Variants in AOPEP observed in about 807,000 individuals in gnomAD.
The protein encoded by AOPEP is aminopeptidase O (putative).
AOPEP carries 77 observed loss-of-function variants against 98.1 expected under a neutral mutation model. The ratio of observed to expected loss-of-function variants is 0.78; its 90% CI spans 0.65 to 0.95. The LOEUF (loss-of-function observed/expected upper bound fraction) is 0.95. AOPEP is among the 40% of genes least tolerant of loss of function. The probability of loss-of-function intolerance (pLI) is 0.00; values close to 1 mark genes in which losing one functional copy is unlikely to be tolerated. For synonymous variants in AOPEP, 346 were observed against 365.3 expected (o/e 0.95, Z 0.60); for missense variants, 1,024 against 1,024.7 (o/e 1.00, Z 0.01).
intron 13 of AOPEP, among the ~76,000 whole-genome samples, chr9:95,025,149 A>G (rs1255962127): frequency 6.6e-6 from 1 of 152,208 alleles, no homozygotes; most frequent in African/African-American, 2.4e-5. Flanking sequence ...AAGATGGTCT[A>G]CAGTGCTCAC....
At chr9:94,827,426 C>A (rs1034453891) in intron 5 of AOPEP, among the ~76,000 whole-genome samples, 4 of 152,170 alleles carry the variant, frequency 2.6e-5, no homozygotes, top group African/African-American at 9.7e-5. Context: ...CAGATAGTTT[C>A]TTAGAACATT....
At chr9:95,063,377 A>G (rs1049141597) in intron 14 of AOPEP, among the ~76,000 whole-genome samples, 1 of 152,178 alleles carries the variant, frequency 6.6e-6, no homozygotes, top group Non-Finnish European at 1.5e-5. Flanking sequence ...TCTTTCCCCC[A>G]GGAAGTCCAT....
chr9:94,967,633 A>G (rs2059288004), intron 9 of AOPEP, 125 bp from the exon 10 acceptor site: 3 of 710,518 alleles, frequency 4.2e-6, no homozygotes, highest in South Asian at 3.3e-5. Context: ...CTTTTAAGTC[A>G]GCATAGGTCT....
the AOPEP span, chr9:95,126,996 G>C: frequency 4.3e-6 from 1 of 231,116 alleles, no homozygotes; most frequent in Non-Finnish European, 8.6e-6. Context: ...GCCCGTGCCT[G>C]CAGCCTGTTT....
At chr9:94,789,113 T>C (rs1435608588) in intron 3 of AOPEP, among the ~76,000 whole-genome samples, 1 of 152,252 alleles carries the variant, frequency 6.6e-6, no homozygotes, top group African/African-American at 2.4e-5. Flanking sequence ...TCAGGTCTGC[T>C]GTGTCATTTG....
chr9:95,148,264 AC>A, the AOPEP span, among the ~76,000 whole-genome samples: 2 of 152,170 alleles, frequency 1.3e-5, no homozygotes, highest in African/African-American at 4.8e-5. Flanking sequence ...CTGCTTCATA[AC>A]AAAAAAAGAC....
intron 13 of AOPEP, among the ~76,000 whole-genome samples, chr9:95,031,647 G>A (rs192268250): frequency 2.0e-5 from 3 of 152,264 alleles, no homozygotes; most frequent in Middle Eastern, 3.4e-3. Context: ...TACTCTACAC[G>A]TAACTGATGA....
chr9:94,753,044 C>T (rs746754726), intron 1 of AOPEP, among the ~76,000 whole-genome samples: 53 of 152,112 alleles, frequency 3.5e-4, no homozygotes, highest in Non-Finnish European at 7.5e-4. Context: ...GCATCAGACC[C>T]TCCAGACAAG....
chr9:95,025,142 A>T (rs192472570), intron 13 of AOPEP, among the ~76,000 whole-genome samples: 13 of 152,308 alleles, frequency 8.5e-5, no homozygotes, highest in African/African-American at 3.1e-4. Flanking sequence ...GGAATAAAAG[A>T]TGGTCTACAG....
intron 10 of AOPEP, among the ~76,000 whole-genome samples, 200 bp from the exon 11 acceptor site, chr9:94,979,167 T>G (rs1027110176): frequency 6.6e-6 from 1 of 152,200 alleles, no homozygotes; most frequent in Non-Finnish European, 1.5e-5. Flanking sequence ...TCGTGCATGT[T>G]GCTGTGGGTG....
chr9:94,762,996 CAG>C (rs1305673623), intron 2 of AOPEP: 1 of 268,318 alleles, frequency 3.7e-6, no homozygotes, highest in African/African-American at 2.3e-5. Flanking sequence ...CTCCACGGGA[CAG>C]AGTCTGTCTA....
chr9:94,960,182 C>G (rs1056728532), intron 9 of AOPEP, among the ~76,000 whole-genome samples: 1 of 151,608 alleles, frequency 6.6e-6, no homozygotes, highest in Admixed American at 6.6e-5. Flanking sequence ...GAGGCTGAGG[C>G]GGGTGGATCA....
chr9:94,791,986 G>A (rs1289604611), intron 3 of AOPEP, among the ~76,000 whole-genome samples: 1 of 152,210 alleles, frequency 6.6e-6, no homozygotes, highest in African/African-American at 2.4e-5. Flanking sequence ...GGAGTATAGT[G>A]TTACAAATTA....
chr9:94,955,307 G>A (rs2058376274), intron 8 of AOPEP, 28 bp downstream of exon 8: 3 of 1,446,162 alleles, frequency 2.1e-6, no homozygotes, highest in Non-Finnish European at 9.7e-7. Flanking sequence ...GCAGAAGCCA[G>A]TGATTGTGGT....
At chr9:94,982,359 C>T (rs777412812) in intron 11 of AOPEP, among the ~76,000 whole-genome samples, 29 of 152,230 alleles carry the variant, frequency 1.9e-4, no homozygotes, top group East Asian at 3.9e-4. Flanking sequence ...TGAAACTCCT[C>T]GCTGCCCTCA....
chr9:94,818,870 T>G (rs1219007945), intron 5 of AOPEP, among the ~76,000 whole-genome samples: 1 of 152,158 alleles, frequency 6.6e-6, no homozygotes, highest in Non-Finnish European at 1.5e-5. Context: ...GGCGGGCACC[T>G]GTAGCCCCAG....
chr9:94,728,199 C>T (rs754393008), intron 1 of AOPEP, among the ~76,000 whole-genome samples: 4 of 149,418 alleles, frequency 2.7e-5, no homozygotes, highest in African/African-American at 7.3e-5. Flanking sequence ...GTTAAAACAC[C>T]TGGAAAGCTT....
chr9:94,925,946 C>A (rs1300785238), intron 6 of AOPEP, among the ~76,000 whole-genome samples: 1 of 152,234 alleles, frequency 6.6e-6, no homozygotes, highest in Non-Finnish European at 1.5e-5. Context: ...GGAGAATGTA[C>A]AAGAAATACC....
At chr9:94,991,124 T>C (rs1363999171) in intron 11 of AOPEP, among the ~76,000 whole-genome samples, 1 of 152,210 alleles carries the variant, frequency 6.6e-6, no homozygotes, top group African/African-American at 2.4e-5. Context: ...CTGCCCCCAC[T>C]GTGGCCCTGC....
Sources: allele counts gnomAD v4.1 joint callset (sites outside exome capture counted in the v4.1 genomes callset), GRCh38; gene constraint gnomAD v4.1.1; transcripts MANE v1.5; gene names NCBI Gene and HGNC (gene_info 2026-07-23, HGNC 2026-07-21).